The following ACOT7 variants were observed in gnomAD, a reference collection of about 807,000 sequenced individuals.
ACOT7 encodes the protein acyl-CoA thioesterase 7.
In ACOT7, 12 loss-of-function variants were observed where a neutral mutation model predicts 40.2. The ratio of observed to expected loss-of-function variants is 0.30; its 90% CI spans 0.19 to 0.48. The LOEUF is 0.48. Among genes scored for constraint, ACOT7 ranks in the 20% least tolerant of loss-of-function variants. The pLI, the probability that ACOT7 is intolerant of heterozygous loss-of-function variation, is 0.99. For missense variants in ACOT7, 395 were observed against 530.8 expected (o/e 0.74, Z 2.51); for synonymous variants, 228 against 219.5 (o/e 1.04, Z -0.34).
Position 6,289,266 on chromosome 1 carries a change from AT to A in ACOT7, c.829+5597del, listed in dbSNP as rs1270811544. Reference sequence around the variant, plus strand: ...AGGCGCCTGCCCCCACGCCCGGCTAATTTTTGTATTTTTAGTAGAGACGGGG... The same window carrying A: ...AGGCGCCTGCCCCCACGCCCGGCTAATTTTGTATTTTTAGTAGAGACGGGG... On this transcript the variant is annotated intron_variant, in intron 7 of 8. Coordinates refer to ENST00000361521, the MANE Select transcript of ACOT7 (RefSeq NM_007274.4). This position sits in a 1 kb window ranked among gnomAD's most constrained non-coding sequence, Gnocchi z 4.6. Among the ~76,000 whole-genome samples, 1 of 151,766 alleles carries A rather than the reference AT, an allele frequency of 6.6e-6. No homozygotes were observed. The highest frequency in any genetic ancestry group is 1.5e-5 in the Non-Finnish European group (1 of 67,970).
intron 7 of ACOT7, among the ~76,000 whole-genome samples, chr1:6,293,292 G>A (rs1426862424): frequency 5.3e-5 from 8 of 152,128 alleles, no homozygotes; most frequent in East Asian, 1.9e-4. Context: ...CTGTGCATCC[G>A]TCTTTCACAA....
chr1:6,304,820 C>A lies in ACOT7; in HGVS notation c.713-9840G>T, dbSNP rs1348492705. Among the ~76,000 whole-genome samples, 7 of 139,178 alleles carry A rather than the reference C, an allele frequency of 5.0e-5. No homozygotes were observed. In the East Asian group the frequency reaches 1.0e-3, roughly 20 times the overall value. 91.3% of individuals were successfully genotyped at this position (139,178 alleles called of 152,430 possible). On this transcript the variant is annotated intron_variant, in intron 6 of 8. Transcript: ENST00000361521. Reference sequence around the variant, plus strand: ...TTTCTACACAGACACGGCAACCATCCGATTTCTCAATCTTTTCCCCACCTT... The same window carrying A: ...TTTCTACACAGACACGGCAACCATCAGATTTCTCAATCTTTTCCCCACCTT...
At chr1:6,305,874 G>C (rs1290181932) in intron 6 of ACOT7, among the ~76,000 whole-genome samples, 2 of 152,036 alleles carry the variant, frequency 1.3e-5, no homozygotes, top group African/African-American at 4.8e-5. Context: ...CCGAGATCAC[G>C]CCACTGCACT....
At chr1:6,279,127 AG>A (rs1411635748) in intron 8 of ACOT7, among the ~76,000 whole-genome samples, 1 of 152,212 alleles carries the variant, frequency 6.6e-6, no homozygotes, top group Admixed American at 6.5e-5. Flanking sequence ...GGCCGAGAAA[AG>A]CAGGCAAGTT....
chr1:6,318,989 A>C (rs1325057786), intron 5 of ACOT7, among the ~76,000 whole-genome samples: 1 of 152,168 alleles, frequency 6.6e-6, no homozygotes, highest in Non-Finnish European at 1.5e-5. Context: ...CAGCCTGAGA[A>C]TGTACAGCTC....
At chr1:6,308,808 C>T (rs143161798) in intron 6 of ACOT7, among the ~76,000 whole-genome samples, 5 of 151,688 alleles carry the variant, frequency 3.3e-5, no homozygotes, top group East Asian at 3.9e-4. Context: ...AGCGACTGGG[C>T]GGAGGGAAAA....
In ACOT7 at chr1:6,315,799, T is replaced by C. The variant is rs567367196; in HGVS notation, c.712+2693A>G. Among the ~76,000 whole-genome samples, 93 of 144,544 alleles carry C rather than the reference T, an allele frequency of 6.4e-4. 1 individual carries two copies. In the South Asian group the frequency reaches 0.019, roughly 30 times the overall value. The allele number at this position is 144,544 out of a possible 152,430, so 94.8% of individuals were successfully genotyped here. On this transcript the variant is annotated intron_variant, in intron 6 of 8. Coordinates refer to ENST00000361521, the MANE Select transcript of ACOT7 (RefSeq NM_007274.4). The stretch of plus-strand genomic sequence containing the variant: ...AAAAAAGAGAGAAGGTTAAGCTTGG[T>C]AAAATTATTAGATTTTTTTACAAAT...
At chr1:6,300,633 C>T (rs201682601) in intron 6 of ACOT7, among the ~76,000 whole-genome samples, 9 of 147,000 alleles carry the variant, frequency 6.1e-5, no homozygotes, top group Non-Finnish European at 1.2e-4. Context: ...TGACGCGTGG[C>T]CGGCCTCTCT....
At position 6,275,251 on chromosome 1, in the gene ACOT7, A is replaced by G. The variant is rs1639154925; in HGVS notation, c.1014+5851T>C. On this transcript the variant is annotated intron_variant, in intron 8 of 8. Transcript: ENST00000361521. This position sits in a 1 kb window ranked among gnomAD's most constrained non-coding sequence, Gnocchi z 5.6. ...CAGCTGCCCTGGCTTCCTAACCAGA[A>G]AACAAACCTGCTGAGAATGGCCCCC... 6.6e-6 allele frequency among the ~76,000 whole-genome samples: 1 copy of G among 152,166 alleles called. No individual in the cohort carries two copies. Among genetic ancestry groups the G allele is most frequent in the Non-Finnish European group, 1.5e-5 (1 of 68,018 alleles).
chr1:6,347,362 G>A (rs964217404), intron 2 of ACOT7, among the ~76,000 whole-genome samples: 5 of 152,198 alleles, frequency 3.3e-5, no homozygotes, highest in East Asian at 1.9e-4. Flanking sequence ...GCACAGGTTC[G>A]AGGTATAGTC....
At chr1:6,349,472 G>A (rs142413284) in intron 2 of ACOT7, among the ~76,000 whole-genome samples, 79 of 152,348 alleles carry the variant, frequency 5.2e-4, no homozygotes, top group African/African-American at 1.6e-3. Context: ...CCAGGTTGGC[G>A]GGGGACTCGG....
chr1:6,381,196 T>G (rs1338949359), intron 1 of ACOT7, among the ~76,000 whole-genome samples: 2 of 151,868 alleles, frequency 1.3e-5, no homozygotes, highest in Non-Finnish European at 2.9e-5. Context: ...TGATGAAAAT[T>G]TGAAAAATAT....
intron 1 of ACOT7, among the ~76,000 whole-genome samples, chr1:6,383,685 C>G (rs958754528): frequency 3.3e-5 from 5 of 151,136 alleles, no homozygotes; most frequent in African/African-American, 1.2e-4. Flanking sequence ...ACAGGCACAC[C>G]CCACCTACCC....
In ACOT7 at chr1:6,264,615, G is replaced by T; in HGVS notation, c.1095C>A (p.His365Gln). The T allele has an allele frequency of 1.9e-6, 3 of 1,612,850 alleles. No homozygotes were observed. Among genetic ancestry groups the T allele is most frequent in the Non-Finnish European group, 2.5e-6 (3 of 1,179,852 alleles). ...AGGGAGTCTAGGGCTGAGGCTCCGC[G>T]TGGCCCTGTCGCTTCGCCTTCATCT... ...YLQMKAKRQG[H>Q]AEPQP The change falls in exon 9 of 9, where the codon CAC becomes CAA. Residue 365 changes from histidine (H) to glutamine (Q), a missense_variant. Transcript: ENST00000361521.
At chr1:6,373,720 C>A (rs796358223) in intron 1 of ACOT7, among the ~76,000 whole-genome samples, 13 of 152,152 alleles carry the variant, frequency 8.5e-5, no homozygotes, top group African/African-American at 2.9e-4. Flanking sequence ...CAAAAATTAG[C>A]TGGGCACAGT....
intron 4 of ACOT7, among the ~76,000 whole-genome samples, chr1:6,329,087 G>A: frequency 6.6e-6 from 1 of 152,272 alleles, no homozygotes; most frequent in Non-Finnish European, 1.5e-5. Flanking sequence ...GCCTGTTGAA[G>A]CCCCTCTGAC....
chr1:6,376,447 G>C (rs1330678998), intron 1 of ACOT7, among the ~76,000 whole-genome samples: 1 of 151,364 alleles, frequency 6.6e-6, no homozygotes, highest in Non-Finnish European at 1.5e-5. Context: ...AGGTGGGAGG[G>C]GCCAGGCGCG....
chr1:6,345,722 C>T (rs1641401752), intron 2 of ACOT7, among the ~76,000 whole-genome samples: 1 of 152,214 alleles, frequency 6.6e-6, no homozygotes, highest in African/African-American at 2.4e-5. Context: ...TCTGAGGATG[C>T]AGCTGTCTGG....
chr1:6,293,291 C>T (rs1438463076), intron 7 of ACOT7, among the ~76,000 whole-genome samples: 2 of 152,136 alleles, frequency 1.3e-5, no homozygotes, highest in Non-Finnish European at 2.9e-5. Context: ...GCTGTGCATC[C>T]GTCTTTCACA....
Sources: gnomAD v4.1 joint callset for allele counts (sites outside exome capture counted in the v4.1 genomes callset) on GRCh38, gnomAD v4.1.1 for gene constraint, Gnocchi (gnomAD v3.1) non-coding constraint, MANE v1.5 for transcripts, NCBI Gene and HGNC (gene_info 2026-07-23, HGNC 2026-07-21) for gene names.